The following CACNA1H variants were observed in gnomAD, a reference collection of about 807,000 sequenced individuals.
CACNA1H encodes voltage-dependent T-type calcium channel subunit alpha-1H.
A neutral mutation model predicts 192.5 loss-of-function variants in CACNA1H; 149 were observed. That is an observed-to-expected ratio of 0.77 (90% CI 0.68 to 0.89). The LOEUF is 0.89. CACNA1H is among the 40% of genes least tolerant of loss of function. CACNA1H has a pLI of 0.00. For missense variants in CACNA1H, 4,257 were observed against 3,423.5 expected (o/e 1.24, Z -6.08); for synonymous variants, 2,202 against 1,475.2 (o/e 1.49, Z -11.29).
chr16:1,170,847 G>A (rs1413251218), intron 2 of CACNA1H, among the ~76,000 whole-genome samples: 1 of 152,124 alleles, frequency 6.6e-6, no homozygotes, highest in Non-Finnish European at 1.5e-5. Context: ...TGTTTTGGGT[G>A]CTGGCCCCGG....
In CACNA1H at chr16:1,220,229, G is replaced by T; in HGVS notation, c.6297G>T (p.Glu2099Asp). The change falls in exon 35 of 35, where the codon GAG (glutamate) becomes GAT (aspartate). Residue 2099 changes from glutamate (E) to aspartate (D), a missense_variant. By Grantham distance (45) the Glu-to-Asp change is conservative. Transcript: ENST00000348261. ...CCGAGGCCTCGGACCCAGCCGACGA[G>T]GAGGTCAGCCACATCACCAGCTCCG... Reference protein sequence around the residue: ...EEAEASDPADEEVSHITSSAC... With the variant: ...EEAEASDPADDEVSHITSSAC... 6.3e-7 allele frequency: 1 copy of T among 1,581,390 alleles called. No individual in the cohort carries two copies. The highest frequency in any genetic ancestry group is 1.7e-5 in the Admixed American group (1 of 57,726).
In CACNA1H at chr16:1,210,098, G is replaced by A. The variant is rs545971270; in HGVS notation, c.3808G>A (p.Glu1270Lys). 4.5e-6 allele frequency: 7 copies of A among 1,560,136 alleles called. No homozygotes were observed. Among genetic ancestry groups the A allele is most frequent in the African/African-American group, 4.1e-5 (3 of 73,390 alleles). The change falls in exon 18 of 35, where the codon GAG becomes AAG. Residue 1270 changes from glutamate (E) to lysine (K), a missense_variant. Physicochemically the swap from Glu to Lys is moderately conservative, Grantham distance 56. Transcript: ENST00000348261. ...PYKPQWCRSR[E>K]AWALYLFSPQ... ...CAAGCCCCAGTGGTGCCGGAGCCGC[G>A]AGGCCTGGGCCCTCTACCTCTTCTC... is the stretch of plus-strand genomic sequence containing the variant.
chr16:1,211,574 C>G lies in CACNA1H; in HGVS notation c.4444C>G (p.Arg1482Gly). Residue 1482 changes from arginine to glycine, a missense_variant, in exon 23 of 35, where the codon CGA becomes GGA. By Grantham distance (125) the Arg-to-Gly change is moderately radical. Transcript: ENST00000348261. Reference protein sequence around the residue: ...QCRAAHYRWVRRKYNFDNLGQ... With the variant: ...QCRAAHYRWVGRKYNFDNLGQ... Reference sequence around the variant, plus strand: ...CCGGGCCGCCCACTACCGCTGGGTGCGACGCAAGTACAACTTCGACAACCT... The same window carrying G: ...CCGGGCCGCCCACTACCGCTGGGTGGGACGCAAGTACAACTTCGACAACCT... 1.9e-6 allele frequency: 3 copies of G among 1,610,350 alleles called. No individual in the cohort carries two copies. The highest frequency in any genetic ancestry group is 2.5e-6 in the Non-Finnish European group (3 of 1,178,846).
At chr16:1,201,605 A>G in intron 8 of CACNA1H, 58 bp from the exon 9 acceptor site, 2 of 1,499,488 alleles carry the variant, frequency 1.3e-6, no homozygotes, top group Non-Finnish European at 1.8e-6. Context: ...AGTAGGGCTC[A>G]GTGGCGAATC....
rs373867411 is a variant in CACNA1H at position 1,212,114 on chromosome 16, C to T, written c.4735C>T (p.Arg1579Trp). ...GCGGCGGCGAGAGGAGAAGCGGCTG[C>T]GGCGCCTAGAGAGGAGGCGCAGGAG... ...EARRREEKRL[R>W]RLERRRRSTF... The change falls in exon 25 of 35, where the codon CGG becomes TGG. Residue 1579 changes from arginine (R) to tryptophan (W), a missense_variant. Physicochemically the swap from Arg to Trp is moderately radical, Grantham distance 101. Coordinates refer to ENST00000348261, the MANE Select transcript of CACNA1H (RefSeq NM_021098.3). 1.6e-5 allele frequency: 25 copies of T among 1,608,944 alleles called. No homozygotes were observed. The African/African-American group carries it at 2.0e-4, about 13-fold the overall frequency.
In CACNA1H at chr16:1,211,260, CCTT is replaced by C; in HGVS notation, c.4321_4323del (p.Phe1441del). 1 of 1,613,154 alleles carries C rather than the reference CCTT, an allele frequency of 6.2e-7. No homozygotes were observed. The highest frequency in any genetic ancestry group is 8.5e-7 in the Non-Finnish European group (1 of 1,179,770). On this transcript the variant is annotated inframe_deletion, in exon 22 of 35. Transcript: ENST00000348261. ...GGGAACATCGTCCTCATCTGCTGCG[CCTT>C]CTTCATCATTTTTGGCATTTTGGGT...
chr16:1,207,864 C>G lies in CACNA1H; in HGVS notation c.3154+4C>G, dbSNP rs775520795. The G allele has an allele frequency of 4.4e-6, 7 of 1,583,684 alleles. No homozygotes were observed. The highest frequency in any genetic ancestry group is 1.7e-4 in the Middle Eastern group (1 of 6,058). ...CTCAGAGAACTCCAGACCACAGGTG[C>G]GTGTGGTCGGTGGGTGGTCCGGGTT... On this transcript the variant is annotated splice_donor_region_variant and intron_variant, in intron 15 of 34. Coordinates refer to ENST00000348261, the MANE Select transcript of CACNA1H (RefSeq NM_021098.3).
chr16:1,201,435 G>A (rs1208499434), intron 8 of CACNA1H, among the ~76,000 whole-genome samples: 4 of 152,186 alleles, frequency 2.6e-5, no homozygotes, highest in African/African-American at 4.8e-5. Flanking sequence ...GCAGGAAAGA[G>A]GGTTCCAGGT....
chr16:1,204,188 C>G lies in CACNA1H; in HGVS notation c.2181C>G (p.Val727=), dbSNP rs2141279227. The G allele has an allele frequency of 1.2e-6, 2 of 1,612,330 alleles. No homozygotes were observed. The highest frequency in any genetic ancestry group is 1.7e-6 in the Non-Finnish European group (2 of 1,179,712). The change falls in exon 10 of 35, where the codon GTC becomes GTG. Residue 727 remains valine (V), a synonymous_variant. Transcript: ENST00000348261. Reference sequence around the variant, plus strand: ...GTGGAGACTCAGATGGCCGTGGCGTCTATGAATTCACGCAGGACGTCCGGC... The same window carrying G: ...GTGGAGACTCAGATGGCCGTGGCGTGTATGAATTCACGCAGGACGTCCGGC... ...SESGDSDGRG[V]YEFTQDVRHG...
At chr16:1,176,386 C>T (rs762763622) in intron 2 of CACNA1H, among the ~76,000 whole-genome samples, 22 of 152,226 alleles carry the variant, frequency 1.4e-4, no homozygotes, top group Non-Finnish European at 2.5e-4. Flanking sequence ...TCTGGGAGGG[C>T]TGTCCCCGCA....
At position 1,153,973 on chromosome 16, in the gene CACNA1H, T is replaced by A; in HGVS notation, c.236T>A (p.Val79Asp). The change falls in exon 2 of 35, where the codon GTC (valine) becomes GAC (aspartate). Residue 79 changes from valine (V) to aspartate (D), a missense_variant. Coordinates refer to ENST00000348261, the MANE Select transcript of CACNA1H (RefSeq NM_021098.3). ...CCGTACCCGGCCTTGGCGGCCACGG[T>A]CTTCTTCTGCCTCGGTCAGACCACG... ...RVPYPALAATVFFCLGQTTRP... is the reference protein window; with the variant it reads ...RVPYPALAATDFFCLGQTTRP... 6.9e-7 allele frequency: 1 copy of A among 1,446,692 alleles called. No homozygotes were observed. The highest frequency in any genetic ancestry group is 9.1e-7 in the Non-Finnish European group (1 of 1,099,624). The allele number at this position is 1,446,692 out of a possible 1,614,324, so 89.6% of individuals were successfully genotyped here.
chr16:1,212,983 C>T (rs1969637567), intron 26 of CACNA1H, among the ~76,000 whole-genome samples: 1 of 152,366 alleles, frequency 6.6e-6, no homozygotes, highest in East Asian at 1.9e-4. Flanking sequence ...GTGTGTGGTT[C>T]TGTGGCCGAG....
chr16:1,156,251 T>C (rs1301432064), intron 2 of CACNA1H, among the ~76,000 whole-genome samples: 1 of 152,162 alleles, frequency 6.6e-6, no homozygotes, highest in Non-Finnish European at 1.5e-5. Flanking sequence ...AAGCAGAGCT[T>C]AGACCCCAAG....
In CACNA1H at chr16:1,206,391, A is replaced by T. The variant is rs368898953; in HGVS notation, c.2789+102A>T. 94 of 1,094,808 alleles carry T rather than the reference A, an allele frequency of 8.6e-5. 1 individual carries two copies. Among genetic ancestry groups the T allele is most frequent in the Non-Finnish European group, 1.2e-4 (93 of 764,356 alleles). The allele number at this position is 1,094,808 out of a possible 1,614,324, so 67.8% of individuals were successfully genotyped here. On this transcript the variant is annotated intron_variant, in intron 12 of 34. Transcript: ENST00000348261. ...CCGAAGGAGAAGGAGCCCTCCCACCAGCAGCCCCAGAGCATCTGCAGACAC... is the reference window on the plus strand; with the variant it reads ...CCGAAGGAGAAGGAGCCCTCCCACCTGCAGCCCCAGAGCATCTGCAGACAC...
At position 1,212,500 on chromosome 16, in the gene CACNA1H, T is replaced by C. The variant is rs756431661; in HGVS notation, c.4760-11T>C. On this transcript the variant is annotated splice_polypyrimidine_tract_variant and intron_variant, in intron 25 of 34. Coordinates refer to ENST00000348261, the MANE Select transcript of CACNA1H (RefSeq NM_021098.3). ...GCCCTCGGCCCTCAGACCATCTCCT[T>C]GTCTTTCCAGGCACTTTCCCCAGCC... The C allele has an allele frequency of 1.6e-5, 25 of 1,610,524 alleles. No individual in the cohort carries two copies. Among genetic ancestry groups the C allele is most frequent in the Non-Finnish European group, 2.1e-5 (25 of 1,178,936 alleles).
Position 1,153,950 on chromosome 16 carries a change from G to A in CACNA1H, c.213G>A (p.Pro71=). 2.8e-6 allele frequency: 4 copies of A among 1,452,680 alleles called. No homozygotes were observed. Among genetic ancestry groups the A allele is most frequent in the Non-Finnish European group, 3.6e-6 (4 of 1,102,854 alleles). The allele number at this position is 1,452,680 out of a possible 1,614,324, so 90.0% of individuals were successfully genotyped here. Residue 71 remains proline, a synonymous_variant, in exon 2 of 35, where the codon CCG becomes CCA. Transcript: ENST00000348261. The part of the protein sequence containing the change: ...ELGADEEQRV[P]YPALAATVFF... ...GTGCCGACGAGGAGCAGCGCGTCCC[G>A]TACCCGGCCTTGGCGGCCACGGTCT... is the stretch of plus-strand genomic sequence containing the variant.
At chr16:1,166,459 T>C (rs1463283807) in intron 2 of CACNA1H, among the ~76,000 whole-genome samples, 3 of 152,182 alleles carry the variant, frequency 2.0e-5, no homozygotes. Flanking sequence ...GTTGGTCTTT[T>C]CCCAGTTTTA....
chr16:1,159,024 C>G (rs1044277148), intron 2 of CACNA1H, among the ~76,000 whole-genome samples: 1 of 152,246 alleles, frequency 6.6e-6, no homozygotes, highest in Non-Finnish European at 1.5e-5. Flanking sequence ...ACTGACTGAC[C>G]TCAGGGCCCC....
intron 2 of CACNA1H, among the ~76,000 whole-genome samples, chr16:1,170,029 G>C (rs552910988): frequency 1.3e-5 from 2 of 152,346 alleles, no homozygotes; most frequent in Admixed American, 1.3e-4. Context: ...AAGTCCCGGT[G>C]GGAAGAGACA....
Sources: allele counts gnomAD v4.1 joint callset (sites outside exome capture counted in the v4.1 genomes callset), GRCh38; gene constraint gnomAD v4.1.1; transcripts MANE v1.5; gene names NCBI Gene and HGNC (gene_info 2026-07-23, HGNC 2026-07-21).